KMT2E: variants seen among roughly 807,000 people sequenced by gnomAD.
KMT2E encodes the protein lysine methyltransferase 2E (inactive).
A neutral mutation model predicts 184.6 loss-of-function variants in KMT2E; 30 were observed. The observed-to-expected ratio is 0.16, with a 90% CI of 0.12 to 0.22. The LOEUF (loss-of-function observed/expected upper bound fraction) is 0.22, where lower values mean the gene tolerates loss of function less well. KMT2E is among the 10% of genes least tolerant of loss of function. The pLI, the probability that KMT2E is intolerant of heterozygous loss-of-function variation, is 1.00. For missense variants in KMT2E, 2,023 were observed against 2,237.4 expected, an observed-to-expected ratio of 0.90 and a Z score of 1.93; for synonymous variants, 815 against 776.5, an observed-to-expected ratio of 1.05 and a Z score of -0.82.
intron 3 of KMT2E, 92 bp from the exon 4 acceptor site, chr7:105,062,072 A>G: frequency 2.5e-6 from 2 of 805,334 alleles, no homozygotes; most frequent in South Asian, 3.0e-5. Flanking sequence ...TATAGCCATT[A>G]TTTTGCTGTA....
intron 1 of KMT2E, among the ~76,000 whole-genome samples, chr7:105,031,176 G>C (rs971176743): frequency 5.4e-5 from 8 of 147,258 alleles, no homozygotes; most frequent in African/African-American, 2.0e-4. Context: ...GGCCAACATG[G>C]TGAAACCCTG....
Position 105,101,468 on chromosome 7 carries a change from C to A in KMT2E, c.1766C>A (p.Ala589Asp). 6.4e-7 allele frequency: 1 copy of A among 1,571,846 alleles called. No individual in the cohort carries two copies. Among genetic ancestry groups the A allele is most frequent in the South Asian group, 1.2e-5 (1 of 83,500 alleles). Residue 589 changes from alanine to aspartate, a missense_variant, in exon 16 of 27, where the codon GCC (alanine) becomes GAC (aspartate). Transcript: ENST00000311117. Reference protein sequence around the residue: ...RKMEAILQAFARLEKREKRRE... With the variant: ...RKMEAILQAFDRLEKREKRRE... ...ATGGAAGCAATTTTGCAAGCTTTTG[C>A]CAGACTTGAAAAGAGAGAGAAAAGA...
Position 105,109,029 on chromosome 7 carries a change from C to A in KMT2E, c.3556C>A (p.Pro1186Thr), listed in dbSNP as rs1312313777. 1.2e-6 allele frequency: 2 copies of A among 1,614,138 alleles called. No individual in the cohort carries two copies. The highest frequency in any genetic ancestry group is 2.2e-5 in the East Asian group (1 of 44,876). The stretch of plus-strand genomic sequence containing the variant: ...GAACTTTCCACTCATTAGTGTATCA[C>A]CCCATGCAAGTGGAAGCTTGAGCAA... ...TENFPLISVS[P>T]HASGSLSNNG... The change falls in exon 23 of 27, where the codon CCC (proline) becomes ACC (threonine). Residue 1186 changes from proline to threonine, a missense_variant. Coordinates refer to ENST00000311117, the MANE Select transcript of KMT2E (RefSeq NM_182931.3).
intron 3 of KMT2E, among the ~76,000 whole-genome samples, chr7:105,042,628 G>A (rs1795931843): frequency 6.6e-6 from 1 of 152,138 alleles, no homozygotes; most frequent in African/African-American, 2.4e-5. Context: ...CTGCCACATA[G>A]GTCAGAAGAG....
Position 105,107,845 on chromosome 7 carries a change from G to C in KMT2E, c.3388G>C (p.Val1130Leu). 1 of 1,614,134 alleles carries C rather than the reference G, an allele frequency of 6.2e-7. No homozygotes were observed. The highest frequency in any genetic ancestry group is 1.1e-5 in the South Asian group (1 of 91,092). ...TVFCTSEDGL[V>L]SGFGRTVNDN... is the part of the protein sequence containing the mutation. ...GTTTTGTACTTCCGAAGATGGGCTT[G>C]TATCTGGTTTCGGACGGACTGTTAA... The change falls in exon 22 of 27, where the codon GTA (valine) becomes CTA (leucine). Residue 1130 changes from valine (V) to leucine (L), a missense_variant. By Grantham distance (32) the Val-to-Leu change is conservative (BLOSUM62 1). Around this residue, in one of 8 missense-constraint regions of KMT2E, gnomAD observed 1,108 missense variants for 1,050.9 expected, o/e 1.05. Coordinates refer to ENST00000311117, the MANE Select transcript of KMT2E (RefSeq NM_182931.3).
In KMT2E at chr7:105,113,060, T is replaced by C; in HGVS notation, c.5304T>C (p.His1768=). The C allele has an allele frequency of 6.2e-7, 1 of 1,614,094 alleles. No individual in the cohort carries two copies. Among genetic ancestry groups the C allele is most frequent in the East Asian group, 2.2e-5 (1 of 44,884 alleles). ...CGTATCCCTCACAAGCTACACATCATACCACTTTGGGACCGGGACCCCAGC... is the reference window on the plus strand; with the variant it reads ...CGTATCCCTCACAAGCTACACATCACACCACTTTGGGACCGGGACCCCAGC... ...VPPYPSQATH[H]TTLGPGPQHQ... Residue 1768 remains histidine (H), a synonymous_variant, in exon 27 of 27, where the codon CAT becomes CAC. Transcript: ENST00000311117.
intron 1 of KMT2E, among the ~76,000 whole-genome samples, chr7:105,025,049 A>G (rs984005246): frequency 2.6e-5 from 4 of 152,256 alleles, no homozygotes; most frequent in Admixed American, 1.3e-4. Flanking sequence ...AGTGCTACTG[A>G]AAAATTTGCA....
At chr7:105,032,386 G>GT (rs1795459180) in intron 1 of KMT2E, among the ~76,000 whole-genome samples, 1 of 152,226 alleles carries the variant, frequency 6.6e-6, no homozygotes, top group Admixed American at 6.5e-5. Context: ...GGAGGTTGCA[G>GT]TGAGCAGAGA....
intron 14 of KMT2E, among the ~76,000 whole-genome samples, chr7:105,090,925 T>G (rs892735676): frequency 6.6e-6 from 1 of 152,160 alleles, no homozygotes; most frequent in Non-Finnish European, 1.5e-5. Flanking sequence ...TTTTCTGAAA[T>G]AATTTATATG....
In KMT2E at chr7:105,113,262, C is replaced by G; in HGVS notation, c.5506C>G (p.Gln1836Glu). ...TCAGCAGGCATCTCCAGTGCCTGGA[C>G]AGATTCCAATTCACAGAGCACAGGT... is the stretch of plus-strand genomic sequence containing the variant. ...GPQQASPVPG[Q>E]IPIHRAQVPP... The change falls in exon 27 of 27, where the codon CAG becomes GAG. Residue 1836 changes from glutamine (Q) to glutamate (E), a missense_variant. By Grantham distance (29) the Gln-to-Glu change is conservative. Transcript: ENST00000311117. The G allele has an allele frequency of 6.2e-7, 1 of 1,614,200 alleles. No individual in the cohort carries two copies.
intron 13 of KMT2E, among the ~76,000 whole-genome samples, chr7:105,083,164 T>A (rs1677175338): frequency 6.6e-6 from 1 of 152,238 alleles, no homozygotes; most frequent in Admixed American, 6.5e-5. Flanking sequence ...TTTATTGTTT[T>A]GGGCATGATG....
chr7:105,111,011 A>G (rs750545180), intron 26 of KMT2E, 143 bp downstream of exon 26: 54 of 632,396 alleles, frequency 8.5e-5, no homozygotes, highest in Non-Finnish European at 1.2e-4. Flanking sequence ...GAAATACTCA[A>G]TTGTGTTTAC....
At chr7:105,034,477 C>T (rs1235386909) in intron 1 of KMT2E, among the ~76,000 whole-genome samples, 3 of 152,134 alleles carry the variant, frequency 2.0e-5, no homozygotes, top group Non-Finnish European at 4.4e-5. Context: ...CGTGATCCTT[C>T]TGCCTCAGCC....
At chr7:105,018,064 T>C (rs1480728559) in intron 1 of KMT2E, among the ~76,000 whole-genome samples, 1 of 152,188 alleles carries the variant, frequency 6.6e-6, no homozygotes, top group East Asian at 1.9e-4. Flanking sequence ...CATATCTTAG[T>C]GGTCTTAGGG....
intron 1 of KMT2E, among the ~76,000 whole-genome samples, chr7:105,032,734 G>T (rs1795478613): frequency 6.6e-6 from 1 of 152,174 alleles, no homozygotes; most frequent in Non-Finnish European, 1.5e-5. Context: ...CAAACTCCTG[G>T]CCTCAAGCAG....
At chr7:105,107,131 T>C (rs1340682273) in intron 20 of KMT2E, 35 bp from the exon 21 acceptor site, 1 of 1,166,998 alleles carries the variant, frequency 8.6e-7, no homozygotes, top group Non-Finnish European at 1.2e-6. Context: ...TACGTATTTT[T>C]AAATTTTCAA....
chr7:105,101,406 T>G lies in KMT2E; in HGVS notation c.1723-19T>G. On this transcript the variant is annotated intron_variant, in intron 15 of 26. Transcript: ENST00000311117. ...GAGCATTGATATTTATGATGTCACT[T>G]AAAATTTAAATTTCATAGACAAGAG... 6.7e-7 allele frequency: 1 copy of G among 1,494,786 alleles called. No individual in the cohort carries two copies. The highest frequency in any genetic ancestry group is 1.3e-5 in the South Asian group (1 of 74,660). The allele number at this position is 1,494,786 out of a possible 1,614,324, so 92.6% of individuals were successfully genotyped here. A position where few individuals can be genotyped will look rare whatever the true frequency, so the allele number is the denominator to read the frequency against.
intron 3 of KMT2E, among the ~76,000 whole-genome samples, chr7:105,044,073 G>C (rs1283710016): frequency 6.6e-6 from 1 of 152,166 alleles, no homozygotes; most frequent in African/African-American, 2.4e-5. Flanking sequence ...GTTCCAGCCT[G>C]GGTGACAGAG....
chr7:105,077,091 G>A lies in KMT2E; in HGVS notation c.897G>A (p.Glu299=), dbSNP rs763125892. The change falls in exon 10 of 27, where the codon GAG becomes GAA. Residue 299 remains glutamate, a synonymous_variant. Transcript: ENST00000311117. The stretch of plus-strand genomic sequence containing the variant: ...AGTACAGTGAGGGTGTTCAGAGGGA[G>A]GCACAAAGAATAGCTCTGAGATTAG... ...NNQYSEGVQR[E]AQRIALRLGN... 5 of 1,613,744 alleles carry A rather than the reference G, an allele frequency of 3.1e-6. No individual in the cohort carries two copies. Among genetic ancestry groups the A allele is most frequent in the Non-Finnish European group, 3.4e-6 (4 of 1,179,886 alleles).
Sources: allele counts gnomAD v4.1 joint callset (sites outside exome capture counted in the v4.1 genomes callset), GRCh38; gene constraint gnomAD v4.1.1; regional missense constraint gnomAD v4.1.1; transcripts MANE v1.5; gene names NCBI Gene and HGNC (gene_info 2026-07-23, HGNC 2026-07-21).